Variants in NUDT12 observed in about 807,000 individuals in gnomAD.
NUDT12 encodes the protein nudix hydrolase 12.
Under a neutral mutation model 45.7 loss-of-function variants are expected in NUDT12, and 42 were observed. The ratio of observed to expected loss-of-function variants is 0.92; its 90% CI spans 0.72 to 1.19. The LOEUF (loss-of-function observed/expected upper bound fraction) is 1.19. Among genes scored for constraint, NUDT12 ranks in the 50% most tolerant of loss-of-function variants. The probability of loss-of-function intolerance (pLI) is 0.00; values close to 1 mark genes in which losing one functional copy is unlikely to be tolerated. For missense variants in NUDT12, 590 were observed against 533.1 expected, an observed-to-expected ratio of 1.11 and a Z score of -1.05; for synonymous variants, 206 against 179.7, an observed-to-expected ratio of 1.15 and a Z score of -1.17.
intron 5 of NUDT12, among the ~76,000 whole-genome samples, chr5:103,553,727 T>C (rs1748727012): frequency 6.6e-6 from 1 of 152,068 alleles, no homozygotes; most frequent in Non-Finnish European, 1.5e-5. Flanking sequence ...AAATGTCCAA[T>C]CAGCAGAATG....
At chr5:103,560,957 T>A (rs1749015147) in intron 1 of NUDT12, among the ~76,000 whole-genome samples, 1 of 152,104 alleles carries the variant, frequency 6.6e-6, no homozygotes, top group South Asian at 2.1e-4. Context: ...TTTGTCACCT[T>A]TTTGTTTCGG....
chr5:103,554,959 G>A (rs982246138), intron 4 of NUDT12, 106 bp from the exon 5 acceptor site: 2 of 444,976 alleles, frequency 4.5e-6, no homozygotes, highest in Non-Finnish European at 8.3e-6. Context: ...CTCCTATAGG[G>A]ATAGAACTCT....
At chr5:103,556,696 T>C (rs749189217) in intron 3 of NUDT12, among the ~76,000 whole-genome samples, 6 of 152,100 alleles carry the variant, frequency 3.9e-5, no homozygotes, top group Admixed American at 1.3e-4. Context: ...AATCTTAAAA[T>C]ATATACACTT....
intron 5 of NUDT12, among the ~76,000 whole-genome samples, chr5:103,554,189 T>G (rs1436857390): frequency 6.6e-6 from 1 of 152,084 alleles, no homozygotes; most frequent in Non-Finnish European, 1.5e-5. Flanking sequence ...GCTACAGGCA[T>G]GTGCTATGAG....
In NUDT12 at chr5:103,560,080, C is replaced by T. The variant is rs1748982145; in HGVS notation, c.169G>A (p.Gly57Arg). 6.2e-7 allele frequency: 1 copy of T among 1,613,866 alleles called. No individual in the cohort carries two copies. The highest frequency in any genetic ancestry group is 8.5e-7 in the Non-Finnish European group (1 of 1,179,848). Residue 57 changes from glycine to arginine, a missense_variant, in exon 2 of 7, where the codon GGG becomes AGG. Coordinates refer to ENST00000230792, the MANE Select transcript of NUDT12 (RefSeq NM_031438.4). ...WTALMYAARN[G>R]HPEIVQFLLE... ...AGAAATTGGACTATCTCTGGGTGCC[C>T]ATTCCTTGCCGCATACATTAAAGCA... is the stretch of plus-strand genomic sequence containing the variant.
chr5:103,554,510 T>G (rs1748751453), intron 5 of NUDT12: 1 of 236,342 alleles, frequency 4.2e-6, no homozygotes, highest in South Asian at 1.5e-4. Flanking sequence ...GAGCAAATAC[T>G]GAATTTTTAA....
Position 103,554,761 on chromosome 5 carries a change from G to A in NUDT12, c.1057C>T (p.Leu353Phe), listed in dbSNP as rs764113901. 6.7e-7 allele frequency: 1 copy of A among 1,497,552 alleles called. No homozygotes were observed. The highest frequency in any genetic ancestry group is 1.4e-5 in the South Asian group (1 of 72,984). The allele number at this position is 1,497,552 out of a possible 1,614,324, so 92.8% of individuals were successfully genotyped here. ...KRFPPGMFTC[L>F]AGFIEPGETI... ...TTACCAGGCTCAATAAATCCAGCAAGGCAAGTAAACATGCCTGGGGGAAAT... is the reference window on the plus strand; with the variant it reads ...TTACCAGGCTCAATAAATCCAGCAAAGCAAGTAAACATGCCTGGGGGAAAT... Residue 353 changes from leucine to phenylalanine, a missense_variant, in exon 5 of 7, where the codon CTT (leucine) becomes TTT (phenylalanine). Physicochemically the swap from Leu to Phe is conservative, Grantham distance 22 (BLOSUM62 0). Transcript: ENST00000230792.
intron 6 of NUDT12, among the ~76,000 whole-genome samples, chr5:103,551,488 A>G (rs1268377491): frequency 6.6e-6 from 1 of 152,218 alleles, no homozygotes; most frequent in African/African-American, 2.4e-5. Flanking sequence ...AATGTTCCAG[A>G]AAGACACATT....
chr5:103,560,274 G>A lies in NUDT12; in HGVS notation c.-6-20C>T. 6.5e-7 allele frequency: 1 copy of A among 1,537,022 alleles called. No individual in the cohort carries two copies. The highest frequency in any genetic ancestry group is 1.1e-5 in the South Asian group (1 of 88,596). On this transcript the variant is annotated intron_variant, in intron 1 of 6. Coordinates refer to ENST00000230792, the MANE Select transcript of NUDT12 (RefSeq NM_031438.4). The stretch of plus-strand genomic sequence containing the variant: ...TTCTTCCTTAAAAGAAGGAAAATCA[G>A]GGGAAAAAGCTTATTTGCAACTGCT...
At chr5:103,553,988 A>T (rs188927969) in intron 5 of NUDT12, among the ~76,000 whole-genome samples, 2 of 152,160 alleles carry the variant, frequency 1.3e-5, no homozygotes. Context: ...TCATACAAAA[A>T]ATATATATAA....
At chr5:103,556,996 A>G (rs1245797336) in intron 3 of NUDT12, among the ~76,000 whole-genome samples, 1 of 152,048 alleles carries the variant, frequency 6.6e-6, no homozygotes, top group Non-Finnish European at 1.5e-5. Flanking sequence ...TAGGGTATTT[A>G]CATTATTTCA....
chr5:103,550,806 A>G lies in NUDT12; in HGVS notation c.*55T>C. ...ACTGAATAATCTCTAATATCACTTG[A>G]GGAATGAGTGTTATTAGAAATTATT... On this transcript the variant is annotated 3_prime_UTR_variant, in exon 7 of 7. Coordinates refer to ENST00000230792, the MANE Select transcript of NUDT12 (RefSeq NM_031438.4). 1 of 1,202,078 alleles carries G rather than the reference A, an allele frequency of 8.3e-7. No homozygotes were observed. The highest frequency in any genetic ancestry group is 1.2e-6 in the Non-Finnish European group (1 of 809,836). 74.5% of individuals were successfully genotyped at this position (1,202,078 alleles called of 1,614,324 possible). A position where few individuals can be genotyped will look rare whatever the true frequency, so the allele number is the denominator to read the frequency against.
chr5:103,559,520 C>G, intron 2 of NUDT12, 52 bp from the exon 3 acceptor site: 1 of 884,044 alleles, frequency 1.1e-6, no homozygotes, highest in Non-Finnish European at 1.6e-6. Context: ...GAAGTAAACA[C>G]TTTCTCCGTA....
In NUDT12 at chr5:103,554,797, T is replaced by A; in HGVS notation, c.1021A>T (p.Arg341Trp). ...ATGCCTGGGGGAAATCTTTTCTGCC[T>A]GCCTAAAAGGCATTTGGTCCCATCT... ...HPDGTKCLLG[R>W]QKRFPPGMFT... Residue 341 changes from arginine to tryptophan, a missense_variant, in exon 5 of 7, where the codon AGG becomes TGG. Transcript: ENST00000230792. 3.2e-6 allele frequency: 5 copies of A among 1,564,068 alleles called. No homozygotes were observed. The highest frequency in any genetic ancestry group is 4.3e-6 in the Non-Finnish European group (5 of 1,151,156).
At chr5:103,551,235 C>T (rs886310315) in intron 6 of NUDT12, among the ~76,000 whole-genome samples, 1 of 151,920 alleles carries the variant, frequency 6.6e-6, no homozygotes, top group African/African-American at 2.4e-5. Flanking sequence ...ATCCTCCTGC[C>T]ACAGCCTCCC....
chr5:103,556,522 G>A (rs1291557808), intron 3 of NUDT12, among the ~76,000 whole-genome samples: 1 of 151,992 alleles, frequency 6.6e-6, no homozygotes, highest in Non-Finnish European at 1.5e-5. Context: ...CTAGGAAACT[G>A]TAGGAGGCTA....
At chr5:103,562,106 A>C (rs1749050180) in intron 1 of NUDT12, among the ~76,000 whole-genome samples, 1 of 152,248 alleles carries the variant, frequency 6.6e-6, no homozygotes, top group South Asian at 2.1e-4. Context: ...TTTTCCAAGA[A>C]GCTCAAGGAC....
Position 103,550,813 on chromosome 5 carries a change from A to G in NUDT12, c.*48T>C, listed in dbSNP as rs199616877. 3.8e-5 allele frequency: 48 copies of G among 1,264,294 alleles called. No homozygotes were observed. The highest frequency in any genetic ancestry group is 3.6e-4 in the Admixed American group (21 of 58,832). 78.3% of individuals were successfully genotyped at this position (1,264,294 alleles called of 1,614,324 possible). Reference sequence around the variant, plus strand: ...AATCTCTAATATCACTTGAGGAATGAGTGTTATTAGAAATTATTAAATAAT... The same window carrying G: ...AATCTCTAATATCACTTGAGGAATGGGTGTTATTAGAAATTATTAAATAAT... On this transcript the variant is annotated 3_prime_UTR_variant, in exon 7 of 7. Transcript: ENST00000230792.
rs1562615819 is a variant in NUDT12, at chr5:103,550,602, G to T, written c.*259C>A. ...AAAAATGGTTTTGTGAGATAAAACT[G>T]TGAAGGAAGAAAAGAAACCAAGAGA... On this transcript the variant is annotated 3_prime_UTR_variant, in exon 7 of 7. Transcript: ENST00000230792. The T allele has an allele frequency of 7.1e-6, 2 of 282,878 alleles. No individual in the cohort carries two copies. The highest frequency in any genetic ancestry group is 1.3e-5 in the Non-Finnish European group (2 of 148,978). The allele number at this position is 282,878 out of a possible 1,614,324, so 17.5% of individuals were successfully genotyped here.
Sources: allele counts gnomAD v4.1 joint callset (sites outside exome capture counted in the v4.1 genomes callset), GRCh38; gene constraint gnomAD v4.1.1; transcripts MANE v1.5; gene names NCBI Gene and HGNC (gene_info 2026-07-23, HGNC 2026-07-21).